Variants in GATAD2B observed in about 807,000 individuals in gnomAD.
GATAD2B encodes transcriptional repressor p66-beta.
A neutral mutation model predicts 64.3 loss-of-function variants in GATAD2B; 8 were observed. That is an observed-to-expected ratio of 0.12 (90% CI 0.07 to 0.22). GATAD2B has a LOEUF of 0.22. GATAD2B is among the 10% of genes least tolerant of loss of function. GATAD2B has a pLI of 1.00. For missense variants in GATAD2B, 453 were observed against 752.0 expected (o/e 0.60, Z 4.65); for synonymous variants, 281 against 271.3 (o/e 1.04, Z -0.35).
Position 153,810,202 on chromosome 1 carries a change from G to T in GATAD2B, c.1757C>A (p.Ser586Ter). ...LLDMIPPRSI[S>*]QSISGQK ...TTATTTCTGTCCACTGATGGACTGC[G>T]ATATAGACCGGGGAGGGATCATGTC... Residue 586 changes from serine to a stop codon, truncating the protein, a stop_gained, in exon 11 of 11, where the codon TCG becomes TAG. Transcript: ENST00000368655. LOFTEE classifies it high-confidence loss of function. The T allele has an allele frequency of 6.2e-7, 1 of 1,612,252 alleles. No individual in the cohort carries two copies. The highest frequency in any genetic ancestry group is 8.5e-7 in the Non-Finnish European group (1 of 1,179,190).
At chr1:153,908,483 T>TA (rs929880593) in intron 1 of GATAD2B, among the ~76,000 whole-genome samples, 18 of 144,626 alleles carry the variant, frequency 1.2e-4, no homozygotes, top group Non-Finnish European at 2.8e-4. Context: ...AGAAACATAC[T>TA]TTTTTTTTTT....
chr1:153,850,939 T>C (rs1161466989), intron 1 of GATAD2B, among the ~76,000 whole-genome samples: 11 of 152,040 alleles, frequency 7.2e-5, no homozygotes, highest in Admixed American at 2.0e-4. Context: ...AAAAGTTTTT[T>C]TTTGTTTTAT....
intron 1 of GATAD2B, among the ~76,000 whole-genome samples, chr1:153,862,700 C>A (rs1236655275): frequency 6.6e-6 from 1 of 151,198 alleles, no homozygotes; most frequent in Non-Finnish European, 1.5e-5. Flanking sequence ...TTTGCCACTG[C>A]GCCTGGCCAA....
chr1:153,914,950 G>A (rs1473887513), intron 1 of GATAD2B, among the ~76,000 whole-genome samples: 1 of 152,136 alleles, frequency 6.6e-6, no homozygotes, highest in Non-Finnish European at 1.5e-5. Context: ...AAGGCCAGGA[G>A]CAGTGGCTCA....
At chr1:153,873,413 G>A (rs1357094275) in intron 1 of GATAD2B, among the ~76,000 whole-genome samples, 6 of 152,188 alleles carry the variant, frequency 3.9e-5, no homozygotes, top group South Asian at 2.1e-4. Flanking sequence ...GTTAAGAGGC[G>A]AGACCTTTAG....
intron 1 of GATAD2B, among the ~76,000 whole-genome samples, chr1:153,899,845 A>G (rs549085864): frequency 6.6e-6 from 1 of 152,210 alleles, no homozygotes; most frequent in African/African-American, 2.4e-5. Context: ...GAATAACTTA[A>G]AGTCTAACAA....
chr1:153,908,523 C>A (rs1183306857), intron 1 of GATAD2B, among the ~76,000 whole-genome samples: 1 of 151,394 alleles, frequency 6.6e-6, no homozygotes, highest in East Asian at 1.9e-4. Flanking sequence ...GTTGCCCAGG[C>A]TGGAATCCAA....
At position 153,829,464 on chromosome 1, in the gene GATAD2B, G is replaced by A. The variant is rs377134266; in HGVS notation, c.-1-1116C>T. Among the ~76,000 whole-genome samples the A allele has an allele frequency of 7.2e-5, 11 of 152,256 alleles. No individual in the cohort carries two copies. In the East Asian group the frequency reaches 1.4e-3, roughly 19 times the overall value. On this transcript the variant is annotated intron_variant, in intron 1 of 10. Coordinates refer to ENST00000368655, the MANE Select transcript of GATAD2B (RefSeq NM_020699.4). ...ATTTTTTTCTATTCCAGGGCTGGGC[G>A]TGGTGGCTCACACCTATAATCCCAG...
chr1:153,851,556 T>A (rs1364434664), intron 1 of GATAD2B, among the ~76,000 whole-genome samples: 2 of 152,240 alleles, frequency 1.3e-5, no homozygotes, highest in African/African-American at 4.8e-5. Flanking sequence ...ATTTTTCATA[T>A]ACTTGGCCAC....
rs925422201 is a variant in GATAD2B, at chr1:153,812,701, C to T, written c.1419+549G>A. 6.6e-5 allele frequency among the ~76,000 whole-genome samples: 10 copies of T among 152,154 alleles called. No homozygotes were observed. In the East Asian group the frequency reaches 7.7e-4, roughly 12 times the overall value. On this transcript the variant is annotated intron_variant, in intron 8 of 10. Transcript: ENST00000368655. ...TGCCTACCCGATCTTCCAAAAAGTC[C>T]ATGATGCTACTCAAACAAGGGACTC...
intron 1 of GATAD2B, among the ~76,000 whole-genome samples, chr1:153,840,282 G>A (rs61197068): frequency 6.6e-6 from 1 of 151,324 alleles, no homozygotes; most frequent in Non-Finnish European, 1.5e-5. Flanking sequence ...TGATCCACCT[G>A]CCTCGGCCTC....
intron 1 of GATAD2B, among the ~76,000 whole-genome samples, chr1:153,908,394 G>A (rs1256538308): frequency 6.6e-6 from 1 of 151,978 alleles, no homozygotes; most frequent in Non-Finnish European, 1.5e-5. Context: ...AATCTGTCAG[G>A]CACAGAGAAG....
intron 1 of GATAD2B, among the ~76,000 whole-genome samples, chr1:153,885,976 A>G (rs1677173463): frequency 6.6e-6 from 1 of 152,204 alleles, no homozygotes; most frequent in Non-Finnish European, 1.5e-5. Context: ...TAGCATAAGA[A>G]AAGAGGTGAT....
intron 1 of GATAD2B, among the ~76,000 whole-genome samples, chr1:153,845,415 A>G (rs1425286848): frequency 2.6e-5 from 4 of 151,804 alleles, no homozygotes; most frequent in African/African-American, 9.7e-5. Flanking sequence ...ATTCCAGCCT[A>G]TGCAAAATAG....
chr1:153,853,652 T>C (rs1201334170), intron 1 of GATAD2B, among the ~76,000 whole-genome samples: 2 of 152,212 alleles, frequency 1.3e-5, no homozygotes, highest in African/African-American at 4.8e-5. Context: ...GCCTGTGTTT[T>C]TGATGTCATA....
chr1:153,847,762 T>C (rs1321480439), intron 1 of GATAD2B, among the ~76,000 whole-genome samples: 1 of 152,212 alleles, frequency 6.6e-6, no homozygotes, highest in Non-Finnish European at 1.5e-5. Flanking sequence ...TTGGACCATC[T>C]CATTCTACTG....
chr1:153,865,308 A>G (rs759654623), intron 1 of GATAD2B, among the ~76,000 whole-genome samples: 59 of 152,022 alleles, frequency 3.9e-4, no homozygotes, highest in South Asian at 4.2e-4. Flanking sequence ...AAAAAATACA[A>G]AAATTTTCTG....
intron 1 of GATAD2B, among the ~76,000 whole-genome samples, chr1:153,884,131 T>C (rs867583316): frequency 1.7e-4 from 25 of 151,448 alleles, no homozygotes; most frequent in African/African-American, 5.6e-4. Context: ...ACCCCATCTC[T>C]ACTAAAAATA....
rs770407574 is a variant in GATAD2B, at chr1:153,817,481, C to T, written c.791G>A (p.Arg264His). ...CTGGGCTGGGTTTGGTGCAATAACA[C>T]GTTGAGACATCAACATGTGTGGAAG... The part of the protein sequence containing the change: ...TTLPHMLMSQ[R>H]VIAPNPAQLQ... Residue 264 changes from arginine to histidine, a missense_variant, in exon 6 of 11, where the codon CGT becomes CAT. Arg to His is a conservative substitution (Grantham distance 29, BLOSUM62 0). This residue lies in a region of GATAD2B where 293 missense variants were observed against 417.2 expected (regional missense o/e 0.70). Coordinates refer to ENST00000368655, the MANE Select transcript of GATAD2B (RefSeq NM_020699.4). 6.2e-7 allele frequency: 1 copy of T among 1,613,190 alleles called. No homozygotes were observed. The highest frequency in any genetic ancestry group is 8.5e-7 in the Non-Finnish European group (1 of 1,179,596).
Sources: allele counts gnomAD v4.1 joint callset (sites outside exome capture counted in the v4.1 genomes callset), GRCh38; gene constraint gnomAD v4.1.1; regional missense constraint gnomAD v4.1.1; transcripts MANE v1.5; gene names NCBI Gene and HGNC (gene_info 2026-07-23, HGNC 2026-07-21).